Variants in AHCTF1 observed in about 807,000 individuals in gnomAD.
The protein encoded by AHCTF1 is protein ELYS.
AHCTF1 carries 24 observed loss-of-function variants against 248.4 expected under a neutral mutation model. The observed-to-expected ratio is 0.10, with a 90% confidence interval of 0.07 to 0.14. The LOEUF (loss-of-function observed/expected upper bound fraction) is 0.14, where lower values mean the gene tolerates loss of function less well. Ranked by LOEUF, AHCTF1 falls within the 10% of genes least tolerant of loss-of-function variation. The pLI, the probability that AHCTF1 is intolerant of heterozygous loss-of-function variation, is 1.00. For synonymous variants in AHCTF1, 786 were observed against 929.8 expected, an observed-to-expected ratio of 0.85 and a Z score of 2.81; for missense variants, 2,206 against 2,636.2, an observed-to-expected ratio of 0.84 and a Z score of 3.57.
intron 24 of AHCTF1, among the ~76,000 whole-genome samples, chr1:246,874,818 T>C (rs1662826996): frequency 6.6e-6 from 1 of 152,102 alleles, no homozygotes. Flanking sequence ...CATTAAAAAG[T>C]TACAAAAAAA....
At chr1:246,857,887 T>G in intron 29 of AHCTF1, 73 bp from the exon 30 acceptor site, 4 of 1,427,714 alleles carry the variant, frequency 2.8e-6, no homozygotes, top group Non-Finnish European at 2.9e-6. Context: ...GCATTATTAC[T>G]TTTTAAAAAG....
chr1:246,844,204 T>C (rs753891876), intron 33 of AHCTF1, among the ~76,000 whole-genome samples: 1 of 152,164 alleles, frequency 6.6e-6, no homozygotes, highest in Non-Finnish European at 1.5e-5. Flanking sequence ...GGTACAGAAC[T>C]GTTTAGTCTA....
intron 21 of AHCTF1, among the ~76,000 whole-genome samples, chr1:246,884,874 A>C (rs1334037217): frequency 1.3e-5 from 2 of 152,218 alleles, no homozygotes; most frequent in Non-Finnish European, 1.5e-5. Flanking sequence ...CAATACTCAA[A>C]CAACCAATAT....
At position 246,863,961 on chromosome 1, in the gene AHCTF1, G is replaced by C; in HGVS notation, c.3503C>G (p.Ser1168Ter). Reference sequence around the variant, plus strand: ...AGGAGTTTCAAGCAAATGTAATTCTGAAGCCCTGGAGATGGCCTGAGGCGA... The same window carrying C: ...AGGAGTTTCAAGCAAATGTAATTCTCAAGCCCTGGAGATGGCCTGAGGCGA... ...KGSPQAISRASELHLLETPLV... is the reference protein window; with the variant it reads ...KGSPQAISRA Residue 1168 changes from serine to a stop codon, truncating the protein, a stop_gained, in exon 27 of 36, where the codon TCA becomes TGA. Transcript: ENST00000648844. LOFTEE classifies it high-confidence loss of function. 6.2e-7 allele frequency: 1 copy of C among 1,614,044 alleles called. No homozygotes were observed. The highest frequency in any genetic ancestry group is 8.5e-7 in the Non-Finnish European group (1 of 1,179,960).
At chr1:246,899,276 G>A (rs988071837) in intron 11 of AHCTF1, among the ~76,000 whole-genome samples, 175 bp downstream of exon 11, 10 of 152,020 alleles carry the variant, frequency 6.6e-5, no homozygotes, top group Non-Finnish European at 1.3e-4. Context: ...TACGTCTTCC[G>A]GCAGGCTGTC....
At chr1:246,910,596 TCTAA>T (rs1452019553) in intron 4 of AHCTF1, among the ~76,000 whole-genome samples, 1 of 152,224 alleles carries the variant, frequency 6.6e-6, no homozygotes, top group Admixed American at 6.5e-5. Context: ...CTTGTATTCT[TCTAA>T]CTATCTGAAG....
intron 1 of AHCTF1, among the ~76,000 whole-genome samples, chr1:246,921,447 C>T (rs555704643): frequency 6.6e-6 from 1 of 152,020 alleles, no homozygotes; most frequent in Non-Finnish European, 1.5e-5. Flanking sequence ...AAAACAAACT[C>T]AAAGGATAAG....
chr1:246,870,611 A>T (rs531910217), intron 24 of AHCTF1, among the ~76,000 whole-genome samples: 103 of 152,240 alleles, frequency 6.8e-4, no homozygotes, highest in African/African-American at 2.3e-3. Flanking sequence ...TTTACATTTA[A>T]AAGAGAAAAG....
In AHCTF1 at chr1:246,867,805, C is replaced by G. The variant is rs1180660496; in HGVS notation, c.3095G>C (p.Arg1032Thr). ...TGGAACTGCTGATAATGGTTTGGGT[C>G]TAGAAACTGTAAAATGAAGAACGCT... ...STSSVFRLVS[R>T]PKPLSAVPKQ... The change falls in exon 25 of 36, where the codon AGA becomes ACA. Residue 1032 changes from arginine to threonine, a missense_variant. By Grantham distance (71) the Arg-to-Thr change is moderately conservative. This residue lies in a region of AHCTF1 where 955 missense variants were observed against 1,055.6 expected (regional missense o/e 0.90). Coordinates refer to ENST00000648844, the MANE Select transcript of AHCTF1 (RefSeq NM_001323342.2). 5.6e-6 allele frequency: 9 copies of G among 1,594,346 alleles called. No individual in the cohort carries two copies. Among genetic ancestry groups the G allele is most frequent in the Non-Finnish European group, 6.8e-6 (8 of 1,171,206 alleles).
chr1:246,852,671 T>A (rs773449168), intron 32 of AHCTF1, among the ~76,000 whole-genome samples: 6 of 152,204 alleles, frequency 3.9e-5, no homozygotes, highest in Non-Finnish European at 5.9e-5. Flanking sequence ...AAACCTTTCA[T>A]TTGAACCAGA....
chr1:246,918,202 TC>T, intron 2 of AHCTF1, 47 bp downstream of exon 2: 2 of 1,530,056 alleles, frequency 1.3e-6, no homozygotes. Context: ...TTATTATTTA[TC>T]TTACAAATCA....
chr1:246,883,654 A>G (rs939849680), intron 21 of AHCTF1, among the ~76,000 whole-genome samples: 2 of 152,198 alleles, frequency 1.3e-5, no homozygotes, highest in Non-Finnish European at 2.9e-5. Flanking sequence ...CTCTATTTAC[A>G]GGACTAGTAA....
intron 11 of AHCTF1, among the ~76,000 whole-genome samples, chr1:246,899,155 C>A (rs929550931): frequency 6.6e-6 from 1 of 151,964 alleles, no homozygotes; most frequent in Non-Finnish European, 1.5e-5. Flanking sequence ...TACCACTGTG[C>A]TAGGTGCCTT....
At position 246,867,754 on chromosome 1, in the gene AHCTF1, A is replaced by G. The variant is rs1474343547; in HGVS notation, c.3146T>C (p.Leu1049Ser). 1 of 1,612,728 alleles carries G rather than the reference A, an allele frequency of 6.2e-7. No individual in the cohort carries two copies. The highest frequency in any genetic ancestry group is 8.5e-7 in the Non-Finnish European group (1 of 1,179,202). The stretch of plus-strand genomic sequence containing the variant: ...ATTGTTGATGAAAACAGATCTTGTC[A>G]ACACAGTTCCTGTTACAACTTGCTT... ...VPKQVVTGTV[L>S]TRSVFINNVL... The change falls in exon 25 of 36, where the codon TTG becomes TCG. Residue 1049 changes from leucine (L) to serine (S), a missense_variant. Leu to Ser is a moderately radical substitution (Grantham distance 145). Coordinates refer to ENST00000648844, the MANE Select transcript of AHCTF1 (RefSeq NM_001323342.2).
At chr1:246,852,337 C>T (rs991117009) in intron 32 of AHCTF1, among the ~76,000 whole-genome samples, 2 of 151,714 alleles carry the variant, frequency 1.3e-5, no homozygotes, top group African/African-American at 2.4e-5. Context: ...TAAGAAACTT[C>T]CCAAATCCTA....
chr1:246,926,749 G>A (rs149543044), intron 1 of AHCTF1, among the ~76,000 whole-genome samples: 1 of 152,220 alleles, frequency 6.6e-6, no homozygotes, highest in African/African-American at 2.4e-5. Flanking sequence ...CAGCTACTTT[G>A]GGAGGCTGAG....
chr1:246,844,215 T>C (rs1660083600), intron 33 of AHCTF1, among the ~76,000 whole-genome samples: 1 of 152,218 alleles, frequency 6.6e-6, no homozygotes, highest in Non-Finnish European at 1.5e-5. Context: ...GTTTAGTCTA[T>C]TTCTTTTAAT....
intron 32 of AHCTF1, among the ~76,000 whole-genome samples, chr1:246,852,344 C>CCTAAACAAATTTCTATAAATAATTAG: frequency 6.6e-6 from 1 of 151,434 alleles, no homozygotes; most frequent in African/African-American, 2.4e-5. Flanking sequence ...CTTCCCAAAT[C>CCTAAACAAATTTCTATAAATAATTAG]CTAAACAAAT....
At chr1:246,927,443 G>A (rs1446186772) in intron 1 of AHCTF1, among the ~76,000 whole-genome samples, 2 of 151,970 alleles carry the variant, frequency 1.3e-5, no homozygotes, top group Admixed American at 6.6e-5. Context: ...GAGCTGAGAT[G>A]GTGCCACTAC....
Sources: allele counts gnomAD v4.1 joint callset (sites outside exome capture counted in the v4.1 genomes callset), GRCh38; gene constraint gnomAD v4.1.1; regional missense constraint gnomAD v4.1.1; transcripts MANE v1.5; gene names NCBI Gene and HGNC (gene_info 2026-07-23, HGNC 2026-07-21).